The following DLG2 variants were observed in gnomAD, a reference collection of about 807,000 sequenced individuals.
The protein encoded by DLG2 is disks large homolog 2.
DLG2 carries 45 observed loss-of-function variants against 132.5 expected under a neutral mutation model. The ratio of observed to expected loss-of-function variants is 0.34; its 90% CI spans 0.27 to 0.44. The LOEUF (loss-of-function observed/expected upper bound fraction) is 0.44, where lower values mean the gene tolerates loss of function less well. DLG2 is among the 20% of genes least tolerant of loss of function. The probability of loss-of-function intolerance (pLI) is 1.00; values close to 1 mark genes in which losing one functional copy is unlikely to be tolerated. For synonymous variants in DLG2, 424 were observed against 419.6 expected, an observed-to-expected ratio of 1.01 and a Z score of -0.13; for missense variants, 1,045 against 1,196.9, an observed-to-expected ratio of 0.87 and a Z score of 1.87.
intron 5 of DLG2, among the ~76,000 whole-genome samples, chr11:85,116,906 T>C (rs765174262): frequency 1.3e-5 from 2 of 151,992 alleles, no homozygotes; most frequent in African/African-American, 4.8e-5. Context: ...TGAGAAGTCT[T>C]ACATATCACC....
intron 6 of DLG2, among the ~76,000 whole-genome samples, chr11:84,979,371 A>G (rs2374591): frequency 0.71 from 108,338 of 151,992 alleles, 39,745 homozygotes; most frequent in East Asian, 0.92. Flanking sequence ...TGTTTATTGC[A>G]GCACTATTCA....
intron 6 of DLG2, among the ~76,000 whole-genome samples, chr11:84,988,349 G>C (rs2056726100): frequency 6.6e-6 from 1 of 152,098 alleles, no homozygotes; most frequent in Non-Finnish European, 1.5e-5. Context: ...TTGATCCAGC[G>C]ATCCCACTAC....
In DLG2 at chr11:84,070,917, T is replaced by A. The variant is rs144272005; in HGVS notation, c.750-11433A>T. ...CAAATGGAGCAGAGTCTGAAATTAA[T>A]CTTATCTCTTCCCCATAGACAACCC... On this transcript the variant is annotated intron_variant, in intron 10 of 27. Coordinates refer to ENST00000376104, the MANE Select transcript of DLG2 (RefSeq NM_001142699.3). 6.2e-4 allele frequency among the ~76,000 whole-genome samples: 95 copies of A among 152,218 alleles called. 1 individual carries two copies. The highest frequency in any genetic ancestry group is 2.1e-3 in the African/African-American group (89 of 41,576).
At chr11:84,518,067 C>A (rs2099279102) in intron 7 of DLG2, among the ~76,000 whole-genome samples, 1 of 141,710 alleles carries the variant, frequency 7.1e-6, no homozygotes, top group Non-Finnish European at 1.6e-5. Context: ...TAAATAATTT[C>A]AAGAGACATC....
At chr11:83,574,101 T>G (rs1419962969) in intron 19 of DLG2, among the ~76,000 whole-genome samples, 1 of 152,166 alleles carries the variant, frequency 6.6e-6, no homozygotes, top group Admixed American at 6.6e-5. Context: ...TATTCTAAAC[T>G]CTGTAATTAA....
At chr11:85,055,697 A>C (rs1031555264) in intron 6 of DLG2, among the ~76,000 whole-genome samples, 2 of 152,188 alleles carry the variant, frequency 1.3e-5, no homozygotes, top group Non-Finnish European at 2.9e-5. Context: ...TCATTAGCAA[A>C]GTGGGGAAGG....
intron 6 of DLG2, chr11:85,020,876 C>T: frequency 1.3e-6 from 1 of 764,850 alleles, no homozygotes; most frequent in South Asian, 1.3e-5. Context: ...GTAGGTCCCC[C>T]TCCTCAGCAG....
At chr11:83,779,740 G>T (rs759604976) in intron 18 of DLG2, among the ~76,000 whole-genome samples, 9 of 152,084 alleles carry the variant, frequency 5.9e-5, no homozygotes, top group African/African-American at 2.2e-4. Flanking sequence ...TATCTTTAAG[G>T]ATTCTTAAAA....
At chr11:84,461,631 A>G (rs887784454) in intron 7 of DLG2, among the ~76,000 whole-genome samples, 1 of 151,102 alleles carries the variant, frequency 6.6e-6, no homozygotes, top group East Asian at 1.9e-4. Flanking sequence ...TTCATTGAAG[A>G]CTTGATAAAT....
At chr11:83,863,293 T>C (rs1326048211) in intron 16 of DLG2, among the ~76,000 whole-genome samples, 1 of 152,178 alleles carries the variant, frequency 6.6e-6, no homozygotes, top group Admixed American at 6.6e-5. Flanking sequence ...CCTGAAACTC[T>C]GCTCTGAAGA....
At chr11:85,409,651 A>G (rs967673541) in intron 3 of DLG2, among the ~76,000 whole-genome samples, 2 of 151,996 alleles carry the variant, frequency 1.3e-5, no homozygotes, top group Admixed American at 6.6e-5. Flanking sequence ...GATTAAGGTC[A>G]TCAAGACTAA....
intron 3 of DLG2, among the ~76,000 whole-genome samples, chr11:85,399,986 G>A (rs976404993): frequency 3.3e-5 from 5 of 152,090 alleles, no homozygotes; most frequent in African/African-American, 9.6e-5. Context: ...CCATCAGAGT[G>A]AACAGGCAAC....
At chr11:85,240,101 T>G (rs1014142219) in intron 4 of DLG2, among the ~76,000 whole-genome samples, 3 of 151,962 alleles carry the variant, frequency 2.0e-5, no homozygotes, top group Non-Finnish European at 1.5e-5. Context: ...GACTATAAAG[T>G]GGCATTCATC....
intron 6 of DLG2, among the ~76,000 whole-genome samples, chr11:84,886,755 T>C (rs1300638087): frequency 6.6e-6 from 1 of 152,162 alleles, no homozygotes; most frequent in African/African-American, 2.4e-5. Context: ...GAAGAATGTT[T>C]GACAGAATGT....
chr11:84,876,847 G>A (rs921841611), intron 6 of DLG2, among the ~76,000 whole-genome samples: 6 of 152,168 alleles, frequency 3.9e-5, no homozygotes, highest in Admixed American at 3.3e-4. Context: ...TCTAAACACT[G>A]CTTTAGCTGT....
At position 84,289,077 on chromosome 11, in the gene DLG2, G is replaced by C. The variant is rs1428303954; in HGVS notation, c.520-37786C>G. ...TAATTTCATTTAAAAACATTTCAGT[G>C]AACACTAATTGAACAGAAACTGTCA... On this transcript the variant is annotated intron_variant, in intron 7 of 27. Transcript: ENST00000376104. 2.0e-5 allele frequency among the ~76,000 whole-genome samples: 3 copies of C among 151,938 alleles called. No individual in the cohort carries two copies. In the East Asian group the frequency reaches 5.8e-4, roughly 29 times the overall value.
At chr11:84,776,633 A>G (rs2070566865) in intron 6 of DLG2, among the ~76,000 whole-genome samples, 1 of 152,172 alleles carries the variant, frequency 6.6e-6, no homozygotes, top group Admixed American at 6.5e-5. Flanking sequence ...TAATTTCCAT[A>G]ATGGCATATT....
chr11:84,474,653 T>G (rs117337025), intron 7 of DLG2, among the ~76,000 whole-genome samples: 1 of 152,074 alleles, frequency 6.6e-6, no homozygotes, highest in Non-Finnish European at 1.5e-5. Flanking sequence ...TGGTAGCAGA[T>G]TCTGAATACA....
intron 6 of DLG2, among the ~76,000 whole-genome samples, chr11:84,888,431 A>T (rs911930127): frequency 1.3e-5 from 2 of 152,102 alleles, no homozygotes; most frequent in African/African-American, 4.8e-5. Flanking sequence ...CTAGGACTTA[A>T]AACAGCACCA....
Sources: gnomAD v4.1 joint callset for allele counts (sites outside exome capture counted in the v4.1 genomes callset) on GRCh38, gnomAD v4.1.1 for gene constraint, MANE v1.5 for transcripts, NCBI Gene and HGNC (gene_info 2026-07-23, HGNC 2026-07-21) for gene names.